PRKAR1B: variants seen among roughly 807,000 people sequenced by gnomAD.
PRKAR1B encodes cAMP-dependent protein kinase type I-beta regulatory subunit.
Under a neutral mutation model 46.5 loss-of-function variants are expected in PRKAR1B, and 22 were observed. That is an observed-to-expected ratio of 0.47 (90% CI 0.34 to 0.68). The LOEUF (loss-of-function observed/expected upper bound fraction) is 0.68. Among genes scored for constraint, PRKAR1B ranks in the 30% least tolerant of loss-of-function variants. The pLI, the probability that PRKAR1B is intolerant of heterozygous loss-of-function variation, is 0.01. For synonymous variants in PRKAR1B, 259 were observed against 217.7 expected (o/e 1.19, Z -1.67); for missense variants, 445 against 535.6 (o/e 0.83, Z 1.67).
chr7:668,662 G>A (rs914011671), intron 4 of PRKAR1B, among the ~76,000 whole-genome samples: 3 of 152,298 alleles, frequency 2.0e-5, no homozygotes, highest in South Asian at 2.1e-4. Flanking sequence ...GGCGCATGTC[G>A]TTCTGATTCT....
Position 644,500 on chromosome 7 carries a change from G to A in PRKAR1B, c.440+32729C>T, listed in dbSNP as rs1180591880. 6.6e-6 allele frequency among the ~76,000 whole-genome samples: 1 copy of A among 152,148 alleles called. No homozygotes were observed. Among genetic ancestry groups the A allele is most frequent in the Non-Finnish European group, 1.5e-5 (1 of 68,008 alleles). The stretch of plus-strand genomic sequence containing the variant: ...AAGCCCCACTCGGACGCCATCCCGG[G>A]GTCCAGCATCCCTCCGAGGGCCCAC... On this transcript the variant is annotated intron_variant, in intron 4 of 10. Transcript: ENST00000537384. The surrounding 1 kb of genome is among the most constrained non-coding windows in gnomAD (Gnocchi z 4.9).
chr7:723,576 C>A (rs954583990), intron 1 of PRKAR1B, among the ~76,000 whole-genome samples: 1 of 152,192 alleles, frequency 6.6e-6, no homozygotes, highest in Non-Finnish European at 1.5e-5. Flanking sequence ...GAAGTCCCAC[C>A]ACCGTAATTC....
intron 2 of PRKAR1B, among the ~76,000 whole-genome samples, chr7:705,169 G>A (rs1453174817): frequency 1.3e-5 from 2 of 151,982 alleles, no homozygotes; most frequent in East Asian, 1.9e-4. Flanking sequence ...GCACATGCCT[G>A]TAATCCTAGC....
intron 4 of PRKAR1B, among the ~76,000 whole-genome samples, chr7:631,237 C>T (rs1049959193): frequency 2.0e-5 from 3 of 152,214 alleles, no homozygotes; most frequent in Non-Finnish European, 4.4e-5. Flanking sequence ...AGGCGTGAGC[C>T]GCCGTGCCAG....
upstream of PRKAR1B, among the ~76,000 whole-genome samples, chr7:728,900 A>G (rs1781462425): frequency 6.6e-6 from 1 of 152,062 alleles, no homozygotes; most frequent in African/African-American, 2.4e-5. Flanking sequence ...CGCTCACCCA[A>G]AGTCTCACTG....
chr7:708,329 T>G (rs755985887), intron 2 of PRKAR1B, among the ~76,000 whole-genome samples: 12 of 152,148 alleles, frequency 7.9e-5, no homozygotes, highest in Non-Finnish European at 1.2e-4. Flanking sequence ...ACATTTCTGT[T>G]TAAGATGCCC....
intron 4 of PRKAR1B, among the ~76,000 whole-genome samples, chr7:636,394 CCT>C (rs1217568437): frequency 0.026 from 1,936 of 74,956 alleles, 322 homozygotes; most frequent in Middle Eastern, 0.037. Context: ...CCGGCCGCGC[CCT>C]CACGTCCTCC....
chr7:574,796 A>G (rs1032716775), intron 9 of PRKAR1B, among the ~76,000 whole-genome samples: 2 of 152,208 alleles, frequency 1.3e-5, no homozygotes, highest in Non-Finnish European at 2.9e-5. Flanking sequence ...TCAACAAGTA[A>G]TCCAAATGTT....
At chr7:698,773 CGGT>C (rs750343628) in intron 2 of PRKAR1B, among the ~76,000 whole-genome samples, 1 of 151,982 alleles carries the variant, frequency 6.6e-6, no homozygotes, top group Non-Finnish European at 1.5e-5. Flanking sequence ...CCCTCCTCCT[CGGT>C]GGCAACAGTA....
intron 9 of PRKAR1B, among the ~76,000 whole-genome samples, chr7:577,091 A>G (rs900777769): frequency 2.0e-5 from 3 of 149,890 alleles, no homozygotes; most frequent in Non-Finnish European, 4.5e-5. Flanking sequence ...GCCTCATCCA[A>G]CTCCATCAAC....
intron 4 of PRKAR1B, among the ~76,000 whole-genome samples, chr7:630,391 G>A (rs531540168): frequency 6.6e-6 from 1 of 152,344 alleles, no homozygotes; most frequent in East Asian, 1.9e-4. Context: ...GTGCTGGCAG[G>A]TGGCAGGCAG....
At chr7:550,885 C>G (rs964419731) in intron 10 of PRKAR1B, among the ~76,000 whole-genome samples, 3 of 152,060 alleles carry the variant, frequency 2.0e-5, no homozygotes, top group Non-Finnish European at 4.4e-5. Context: ...CCAGGCCTCC[C>G]TTAGGACCCA....
intron 4 of PRKAR1B, among the ~76,000 whole-genome samples, chr7:632,842 T>C (rs1419569036): frequency 2.2e-5 from 2 of 90,878 alleles, no homozygotes; most frequent in African/African-American, 7.6e-5. Context: ...TACGGGGCTG[T>C]GTGCCCAGCC....
intron 6 of PRKAR1B, among the ~76,000 whole-genome samples, chr7:598,297 A>T (rs1445870347): frequency 2.6e-5 from 3 of 116,256 alleles, no homozygotes; most frequent in African/African-American, 9.9e-5. Flanking sequence ...CCCTCCCTCC[A>T]GCACCCTCCA....
intron 9 of PRKAR1B, among the ~76,000 whole-genome samples, chr7:563,373 G>GGGAAA (rs1216262796): frequency 3.9e-5 from 6 of 152,274 alleles, no homozygotes; most frequent in East Asian, 1.9e-4. Flanking sequence ...TAGGCCAGAA[G>GGGAAA]GGAAAGGAAA....
At chr7:608,612 G>T in intron 4 of PRKAR1B, 1 of 53,068 alleles carries the variant, frequency 1.9e-5, no homozygotes, top group Non-Finnish European at 5.0e-5. Context: ...GTGTGTGGCA[G>T]GGCTGTAGGG....
intron 3 of PRKAR1B, among the ~76,000 whole-genome samples, chr7:678,011 C>T (rs1357413547): frequency 1.3e-5 from 2 of 152,218 alleles, no homozygotes; most frequent in Non-Finnish European, 2.9e-5. Flanking sequence ...TGGCTCACGC[C>T]TGTAATCCCA....
chr7:649,179 A>G (rs887786149), intron 4 of PRKAR1B, among the ~76,000 whole-genome samples: 6 of 152,228 alleles, frequency 3.9e-5, no homozygotes, highest in African/African-American at 1.4e-4. Context: ...AAATAAATAA[A>G]TAAAAATTTA....
chr7:627,337 G>A lies in PRKAR1B; in HGVS notation c.441-19885C>T, dbSNP rs551841564. The stretch of plus-strand genomic sequence containing the variant: ...GCACTGGCGGAGGGTAGCGGTGGGG[G>A]CCGAGGGATCCAGGGTTCCCTAAGA... On this transcript the variant is annotated intron_variant, in intron 4 of 10. Coordinates refer to ENST00000537384, the MANE Select transcript of PRKAR1B (RefSeq NM_001164760.2). 3.3e-3 allele frequency among the ~76,000 whole-genome samples: 508 copies of A among 152,294 alleles called. 1 individual carries two copies. Among genetic ancestry groups the A allele is most frequent in the Non-Finnish European group, 4.5e-3 (308 of 68,032 alleles).
Sources: allele counts gnomAD v4.1 joint callset (sites outside exome capture counted in the v4.1 genomes callset), GRCh38; gene constraint gnomAD v4.1.1; non-coding constraint Gnocchi (gnomAD v3.1); transcripts MANE v1.5; gene names NCBI Gene and HGNC (gene_info 2026-07-23, HGNC 2026-07-21).